Variants in BACE2 observed in about 807,000 individuals in gnomAD.
The protein encoded by BACE2 is 56 kDa aspartic-like protease.
A neutral mutation model predicts 46.2 loss-of-function variants in BACE2; 17 were observed. The observed-to-expected ratio is 0.37, with a 90% CI of 0.25 to 0.55. The LOEUF (loss-of-function observed/expected upper bound fraction) is 0.55, where lower values mean the gene tolerates loss of function less well. Among genes scored for constraint, BACE2 ranks in the 20% least tolerant of loss-of-function variants. The pLI is 0.82. For synonymous variants in BACE2, 277 were observed against 295.9 expected (o/e 0.94, Z 0.66); for missense variants, 595 against 698.1 (o/e 0.85, Z 1.66).
chr21:41,197,269 T>TTTTTTG (rs1383508376), intron 1 of BACE2, among the ~76,000 whole-genome samples: 31 of 149,690 alleles, frequency 2.1e-4, no homozygotes, highest in Middle Eastern at 3.5e-3. Flanking sequence ...CAGCCAGGTT[T>TTTTTTG]TTTTTGTTTT....
At chr21:41,228,141 C>T (rs1258017589) in intron 2 of BACE2, among the ~76,000 whole-genome samples, 1 of 152,206 alleles carries the variant, frequency 6.6e-6, no homozygotes, top group Admixed American at 6.5e-5. Flanking sequence ...TATGACTTAT[C>T]TACATACACA....
Position 41,238,867 on chromosome 21 carries a change from T to A in BACE2, c.618+1138T>A, listed in dbSNP as rs573253467. On this transcript the variant is annotated intron_variant, in intron 3 of 8. Transcript: ENST00000330333. ...TACCTAATGCTAGATGACGAGTTAGTGGGCGCAGCGCACCAGCATGGCACA... is the reference window on the plus strand; with the variant it reads ...TACCTAATGCTAGATGACGAGTTAGAGGGCGCAGCGCACCAGCATGGCACA... Among the ~76,000 whole-genome samples the A allele has an allele frequency of 3.2e-3, 437 of 137,062 alleles. 1 individual carries two copies. Among genetic ancestry groups the A allele is most frequent in the Non-Finnish European group, 5.2e-3 (341 of 65,304 alleles). The allele number at this position is 137,062 out of a possible 152,430, so 89.9% of individuals were successfully genotyped here. A position where few individuals can be genotyped will look rare whatever the true frequency, so the allele number is the denominator to read the frequency against.
At chr21:41,209,949 G>A (rs1237267845) in intron 1 of BACE2, among the ~76,000 whole-genome samples, 1 of 152,160 alleles carries the variant, frequency 6.6e-6, no homozygotes, top group African/African-American at 2.4e-5. Context: ...CTCTTCATAA[G>A]GGATGTGTGT....
intron 1 of BACE2, chr21:41,175,273 G>C (rs1185183696): frequency 6.6e-6 from 1 of 152,186 alleles, no homozygotes; most frequent in East Asian, 1.9e-4. Context: ...TCATATACCT[G>C]CACCTAGAAA....
At chr21:41,196,492 G>T (rs113182423) in intron 1 of BACE2, among the ~76,000 whole-genome samples, 8,602 of 151,656 alleles carry the variant, frequency 0.057, 312 homozygotes, top group Non-Finnish European at 0.084. Flanking sequence ...ATTAAACTAT[G>T]GTAAATCTAC....
At chr21:41,247,818 A>G (rs1044001637) in intron 6 of BACE2, among the ~76,000 whole-genome samples, 1 of 152,206 alleles carries the variant, frequency 6.6e-6, no homozygotes, top group African/African-American at 2.4e-5. Context: ...AAACATGGGA[A>G]GGTTGTTTGT....
chr21:41,238,249 AGCCCTT>A (rs1987182675), intron 3 of BACE2, among the ~76,000 whole-genome samples: 1 of 152,240 alleles, frequency 6.6e-6, no homozygotes, highest in Non-Finnish European at 1.5e-5. Flanking sequence ...GGGGAGAGCC[AGCCCTT>A]CCCAGTGGTG....
Position 41,257,326 on chromosome 21 carries a change from G to A in BACE2, c.1303G>A (p.Glu435Lys). ...RVGFAASPCA[E>K]IAGAAVSEIS... Reference sequence around the variant, plus strand: ...GGGCTTCGCAGCGAGCCCCTGTGCAGGTGAGCGATTCTGGCATCGAACAGG... The same window carrying A: ...GGGCTTCGCAGCGAGCCCCTGTGCAAGTGAGCGATTCTGGCATCGAACAGG... Residue 435 changes from glutamate (E) to lysine (K), a missense_variant and splice_region_variant, in exon 8 of 9, where the codon GAA (glutamate) becomes AAA (lysine). By Grantham distance (56) the Glu-to-Lys change is moderately conservative (BLOSUM62 1). This residue lies in a region of BACE2 where 343 missense variants were observed against 419.4 expected (regional missense o/e 0.82). Coordinates refer to ENST00000330333, the MANE Select transcript of BACE2 (RefSeq NM_012105.5). 1 of 1,613,096 alleles carries A rather than the reference G, an allele frequency of 6.2e-7. No individual in the cohort carries two copies. Among genetic ancestry groups the A allele is most frequent in the Non-Finnish European group, 8.5e-7 (1 of 1,179,650 alleles).
intron 1 of BACE2, among the ~76,000 whole-genome samples, chr21:41,172,890 G>T (rs1287444299): frequency 6.6e-6 from 1 of 152,228 alleles, no homozygotes; most frequent in Non-Finnish European, 1.5e-5. Context: ...TCCCTCCGGA[G>T]GCTCTGGGGG....
chr21:41,203,553 C>T (rs533046813), intron 1 of BACE2, among the ~76,000 whole-genome samples: 2 of 152,176 alleles, frequency 1.3e-5, no homozygotes, highest in African/African-American at 2.4e-5. Context: ...GTTTTGGAAA[C>T]GCCAAATGGA....
chr21:41,250,286 A>G (rs112785153), intron 6 of BACE2, among the ~76,000 whole-genome samples: 3,298 of 152,266 alleles, frequency 0.022, 132 homozygotes, highest in African/African-American at 0.075. Flanking sequence ...TAGGCTCTGC[A>G]CCAGGAGGCA....
intron 8 of BACE2, among the ~76,000 whole-genome samples, chr21:41,261,863 T>C (rs1020814224): frequency 6.6e-6 from 1 of 152,182 alleles, no homozygotes. Context: ...CTGTTCTGCA[T>C]GTCAACCATC....
intron 1 of BACE2, chr21:41,183,825 G>T (rs1161704688): frequency 1.8e-5 from 3 of 167,060 alleles, no homozygotes; most frequent in African/African-American, 7.2e-5. Flanking sequence ...CACCAGAGCA[G>T]TTAGGACATT....
intron 8 of BACE2, among the ~76,000 whole-genome samples, chr21:41,257,722 G>T (rs1987828647): frequency 6.6e-6 from 1 of 152,168 alleles, no homozygotes; most frequent in South Asian, 2.1e-4. Flanking sequence ...AATAGGAAAT[G>T]AACACCTATC....
chr21:41,274,334 CG>C (rs1197124928), intron 8 of BACE2, among the ~76,000 whole-genome samples: 6 of 152,008 alleles, frequency 3.9e-5, no homozygotes, highest in Admixed American at 6.6e-5. Flanking sequence ...AGGTCATTAT[CG>C]CATTGTTATT....
In BACE2 at chr21:41,263,695, T is replaced by C. The variant is rs1287880435; in HGVS notation, c.1303+6369T>C. ...ATGATTGCTGAAGAAAAGACCCTAG[T>C]TGGTCTTAACTGTTGTACCTTTAAG... is the stretch of plus-strand genomic sequence containing the variant. On this transcript the variant is annotated intron_variant, in intron 8 of 8. Transcript: ENST00000330333. Among the ~76,000 whole-genome samples, 4 of 152,256 alleles carry C rather than the reference T, an allele frequency of 2.6e-5. No homozygotes were observed. The East Asian group carries it at 7.7e-4, about 29-fold the overall frequency.
At chr21:41,247,620 C>T (rs1987510101) in intron 6 of BACE2, among the ~76,000 whole-genome samples, 1 of 152,360 alleles carries the variant, frequency 6.6e-6, no homozygotes, top group East Asian at 1.9e-4. Context: ...TCCAGCACGT[C>T]GTGGACCGGC....
At chr21:41,257,065 G>A in intron 7 of BACE2, 93 bp from the exon 8 acceptor site, 1 of 1,435,898 alleles carries the variant, frequency 7.0e-7, no homozygotes, top group Non-Finnish European at 9.7e-7. Flanking sequence ...CGCCTGGGAG[G>A]GTCCTGAGCA....
At chr21:41,195,965 T>C (rs1397861591) in intron 1 of BACE2, among the ~76,000 whole-genome samples, 3 of 152,080 alleles carry the variant, frequency 2.0e-5, no homozygotes, top group African/African-American at 7.2e-5. Flanking sequence ...CTAGCAAAAT[T>C]ACATACATTT....
Sources: allele counts gnomAD v4.1 joint callset (sites outside exome capture counted in the v4.1 genomes callset), GRCh38; gene constraint gnomAD v4.1.1; regional missense constraint gnomAD v4.1.1; transcripts MANE v1.5; gene names NCBI Gene and HGNC (gene_info 2026-07-23, HGNC 2026-07-21).